PARG: variants seen among roughly 807,000 people sequenced by gnomAD.
PARG encodes the protein mitochondrial poly(ADP-ribose) glycohydrolase.
A neutral mutation model predicts 113.0 loss-of-function variants in PARG; 35 were observed. The ratio of observed to expected loss-of-function variants is 0.31; its 90% CI spans 0.24 to 0.41. The LOEUF is 0.41. PARG is among the 10% of genes least tolerant of loss of function. The probability of loss-of-function intolerance (pLI) is 1.00; values close to 1 mark genes in which losing one functional copy is unlikely to be tolerated. For missense variants in PARG, 797 were observed against 1,169.4 expected (o/e 0.68, Z 4.64); for synonymous variants, 330 against 409.9 (o/e 0.81, Z 2.36).
In PARG at chr10:49,856,335, G is replaced by A. The variant is rs879959601; in HGVS notation, c.2353+971C>T. 1.9e-3 allele frequency among the ~76,000 whole-genome samples: 293 copies of A among 151,448 alleles called. 1 individual carries two copies. The highest frequency in any genetic ancestry group is 2.6e-3 in the Non-Finnish European group (179 of 67,834). On this transcript the variant is annotated intron_variant, in intron 13 of 17. Coordinates refer to ENST00000616448, the MANE Select transcript of PARG (RefSeq NM_003631.5). ...GCTGGGATTACAGGCACCCACCACCGTGCCTGGCTAATTTTTGTATTTTTA... is the reference window on the plus strand; with the variant it reads ...GCTGGGATTACAGGCACCCACCACCATGCCTGGCTAATTTTTGTATTTTTA...
intron 16 of PARG, among the ~76,000 whole-genome samples, chr10:49,831,643 T>G (rs1554830281): frequency 6.6e-6 from 1 of 151,912 alleles, no homozygotes; most frequent in Non-Finnish European, 1.5e-5. Context: ...TCACCAAAGG[T>G]CAGTGCAGCC....
chr10:49,934,250 T>C (rs1304281865), intron 2 of PARG, 87 bp from the exon 3 acceptor site: 6 of 662,942 alleles, frequency 9.1e-6, no homozygotes, highest in Middle Eastern at 3.3e-4. Context: ...CAGCAGTAAT[T>C]AAACTCCCTG....
intron 7 of PARG, among the ~76,000 whole-genome samples, chr10:49,908,240 A>G (rs1241901615): frequency 6.6e-6 from 1 of 152,222 alleles, no homozygotes; most frequent in Non-Finnish European, 1.5e-5. Context: ...TGGGATATGC[A>G]CTATTTAGAA....
At chr10:49,900,564 A>G (rs2813037) in intron 7 of PARG, among the ~76,000 whole-genome samples, 1 of 152,270 alleles carries the variant, frequency 6.6e-6, no homozygotes, top group African/African-American at 2.4e-5. Context: ...TCTTTAAACA[A>G]TATTTATTGC....
intron 4 of PARG, among the ~76,000 whole-genome samples, chr10:49,931,445 C>T (rs1287665274): frequency 5.9e-5 from 9 of 151,992 alleles, no homozygotes; most frequent in Non-Finnish European, 2.9e-5. Context: ...ATTTTGCAGA[C>T]CCTGCACTTG....
chr10:49,853,793 T>C (rs1336420197), intron 13 of PARG, among the ~76,000 whole-genome samples: 1 of 152,210 alleles, frequency 6.6e-6, no homozygotes, highest in Admixed American at 6.5e-5. Flanking sequence ...TTTTTATTTT[T>C]TGCCTTACTT....
intron 4 of PARG, among the ~76,000 whole-genome samples, chr10:49,929,453 T>C (rs1838377918): frequency 1.3e-5 from 2 of 152,336 alleles, no homozygotes; most frequent in East Asian, 3.9e-4. Context: ...ATTTTCAAGC[T>C]TTTTAAAATA....
intron 4 of PARG, among the ~76,000 whole-genome samples, 179 bp from the exon 5 acceptor site, chr10:49,922,848 C>T (rs138478126): frequency 1.9e-3 from 282 of 152,318 alleles, no homozygotes; most frequent in South Asian, 0.014. Flanking sequence ...GTCCAAGTCA[C>T]CAGATATAGT....
At chr10:49,920,463 A>AATATATATATAT (rs202215714) in intron 6 of PARG, among the ~76,000 whole-genome samples, 1 of 47,980 alleles carries the variant, frequency 2.1e-5, no homozygotes, top group African/African-American at 5.0e-5. Flanking sequence ...AAAAAAAAAA[A>AATATATATATAT]ATATATATAT....
At chr10:49,832,740 G>T in intron 16 of PARG, 63 bp downstream of exon 16, 2 of 866,924 alleles carry the variant, frequency 2.3e-6, no homozygotes, top group Non-Finnish European at 3.7e-6. Context: ...GAGAAATCTG[G>T]TTTGAAGGAC....
chr10:49,873,413 G>T (rs200735788), intron 9 of PARG, among the ~76,000 whole-genome samples: 28,156 of 147,564 alleles, frequency 0.19, 3,298 homozygotes, highest in Non-Finnish European at 0.27. Flanking sequence ...AAAGTGGGGG[G>T]ACTTTCAGTT....
intron 7 of PARG, among the ~76,000 whole-genome samples, chr10:49,890,292 C>A (rs1554841226): frequency 1.3e-5 from 2 of 152,078 alleles, no homozygotes; most frequent in African/African-American, 4.8e-5. Context: ...ACTTTTTATT[C>A]TAGTCCCACA....
intron 7 of PARG, among the ~76,000 whole-genome samples, chr10:49,897,514 TG>T (rs2132722610): frequency 6.6e-6 from 1 of 152,362 alleles, no homozygotes; most frequent in East Asian, 1.9e-4. Context: ...TCCTCTGATC[TG>T]TGAAACACAC....
chr10:49,883,496 T>G (rs1375547391), intron 8 of PARG, among the ~76,000 whole-genome samples: 1 of 148,568 alleles, frequency 6.7e-6, no homozygotes, highest in African/African-American at 2.5e-5. Flanking sequence ...TCTTTGATGC[T>G]CCTCTCTTTA....
At chr10:49,917,597 A>C (rs1262417803) in intron 6 of PARG, among the ~76,000 whole-genome samples, 1 of 151,858 alleles carries the variant, frequency 6.6e-6, no homozygotes, top group Non-Finnish European at 1.5e-5. Flanking sequence ...GAGGCAGGTG[A>C]ATCGCTTGAG....
Position 49,924,981 on chromosome 10 carries a change from TG to T in PARG, c.1456-2313del, listed in dbSNP as rs533919444. 1.4e-3 allele frequency among the ~76,000 whole-genome samples: 210 copies of T among 152,284 alleles called. 1 individual carries two copies. The highest frequency in any genetic ancestry group is 4.8e-3 in the African/African-American group (198 of 41,552). On this transcript the variant is annotated intron_variant, in intron 4 of 17. Coordinates refer to ENST00000616448, the MANE Select transcript of PARG (RefSeq NM_003631.5). ...GTGAGCAAGGCTGAGCTCTGCCTTC[TG>T]TCAGGTCAGTGGCAACATCAGATTC...
intron 7 of PARG, among the ~76,000 whole-genome samples, chr10:49,904,024 G>A (rs527352458): frequency 6.6e-6 from 1 of 152,114 alleles, no homozygotes; most frequent in East Asian, 1.9e-4. Flanking sequence ...ATGGTATGGA[G>A]GAGACAAGTG....
intron 4 of PARG, among the ~76,000 whole-genome samples, chr10:49,928,690 A>G (rs1200019253): frequency 1.3e-5 from 2 of 152,186 alleles, no homozygotes; most frequent in Non-Finnish European, 2.9e-5. Flanking sequence ...CTTTTTGTAC[A>G]GATGGGCTCT....
chr10:49,899,847 G>A (rs1848268620), intron 7 of PARG, among the ~76,000 whole-genome samples: 1 of 152,132 alleles, frequency 6.6e-6, no homozygotes, highest in Non-Finnish European at 1.5e-5. Context: ...AATTTTCAAA[G>A]TGTTTATGAC....
Sources: allele counts gnomAD v4.1 joint callset (sites outside exome capture counted in the v4.1 genomes callset), GRCh38; gene constraint gnomAD v4.1.1; transcripts MANE v1.5; gene names NCBI Gene and HGNC (gene_info 2026-07-23, HGNC 2026-07-21).